TCF3: variants seen among roughly 807,000 people sequenced by gnomAD.
TCF3 encodes transcription factor 3.
In TCF3, 54 loss-of-function variants were observed where a neutral mutation model predicts 72.3. The observed-to-expected ratio is 0.75, with a 90% CI of 0.60 to 0.94. TCF3 has a LOEUF of 0.94. TCF3 is among the 40% of genes least tolerant of loss of function. The pLI, the probability that TCF3 is intolerant of heterozygous loss-of-function variation, is 0.00. For missense variants in TCF3, 1,078 were observed against 934.4 expected (o/e 1.15, Z -2.00); for synonymous variants, 525 against 412.6 (o/e 1.27, Z -3.30).
At position 1,632,114 on chromosome 19, in the gene TCF3, G is replaced by A. The variant is rs751889696; in HGVS notation, c.222C>T (p.Thr74=). ...CAGTGAAGTGGGTGCCCTCGCTGAAGGTCTAGGGGAGATGGGGTGGGGATG... is the reference window on the plus strand; with the variant it reads ...CAGTGAAGTGGGTGCCCTCGCTGAAAGTCTAGGGGAGATGGGGTGGGGATG... ...QSSSSFDPSR[T]FSEGTHFTES... The change falls in exon 5 of 19, where the codon ACC becomes ACT. Residue 74 remains threonine (T), a splice_region_variant and synonymous_variant. Coordinates refer to ENST00000262965, the MANE Select transcript of TCF3 (RefSeq NM_003200.5). 3.1e-6 allele frequency: 5 copies of A among 1,612,758 alleles called. No individual in the cohort carries two copies. Among genetic ancestry groups the A allele is most frequent in the Non-Finnish European group, 4.2e-6 (5 of 1,179,554 alleles).
rs1287548803 is a variant in TCF3 at position 1,619,372 on chromosome 19, C to T, written c.1270G>A (p.Ala424Thr). 5 of 1,590,110 alleles carry T rather than the reference C, an allele frequency of 3.1e-6. No homozygotes were observed. The highest frequency in any genetic ancestry group is 1.3e-5 in the African/African-American group (1 of 74,688). ...DMHTLLPGHG[A>T]LASGFTGPMS... is the part of the protein sequence containing the mutation. ...GGGCCGGTGAAACCTGAGGCCAGCG[C>T]CCCGTGGCCAGGCAGCAGCGTGTGC... The change falls in exon 15 of 19, where the codon GCG (alanine) becomes ACG (threonine). Residue 424 changes from alanine (A) to threonine (T), a missense_variant. Ala to Thr is a moderately conservative substitution (Grantham distance 58, BLOSUM62 0). Transcript: ENST00000262965.
intron 6 of TCF3, 97 bp from the exon 7 acceptor site, chr19:1,625,805 C>A: frequency 7.2e-7 from 1 of 1,383,904 alleles, no homozygotes. Flanking sequence ...GCCACTCAGA[C>A]CCGCCCTGCA....
At chr19:1,621,461 C>T (rs2062198774) in intron 11 of TCF3, among the ~76,000 whole-genome samples, 1 of 151,726 alleles carries the variant, frequency 6.6e-6, no homozygotes. Context: ...GGGTGAGTCC[C>T]TCTCTGGGCC....
intron 3 of TCF3, among the ~76,000 whole-genome samples, chr19:1,643,609 G>A (rs139476530): frequency 4.0e-4 from 61 of 152,068 alleles, no homozygotes; most frequent in African/African-American, 1.4e-3. Context: ...TTGACCTCCT[G>A]GCCTCAAGCG....
At chr19:1,634,227 TTAA>T (rs1472131714) in intron 3 of TCF3, among the ~76,000 whole-genome samples, 5 of 152,204 alleles carry the variant, frequency 3.3e-5, no homozygotes, top group South Asian at 2.1e-4. Context: ...CCCCCACCGA[TTAA>T]TGATGCATTT....
intron 13 of TCF3, among the ~76,000 whole-genome samples, chr19:1,620,141 G>A (rs968218844): frequency 1.3e-4 from 20 of 152,244 alleles, no homozygotes; most frequent in African/African-American, 4.6e-4. Flanking sequence ...ACACAGTAGG[G>A]GGCTCCTCCC....
intron 3 of TCF3, among the ~76,000 whole-genome samples, chr19:1,635,510 C>T (rs1256107638): frequency 6.6e-6 from 1 of 152,124 alleles, no homozygotes; most frequent in African/African-American, 2.4e-5. Flanking sequence ...ACCCACACCC[C>T]CTGCCTGAGC....
intron 18 of TCF3, among the ~76,000 whole-genome samples, chr19:1,613,557 G>A (rs923527871): frequency 6.6e-6 from 1 of 152,136 alleles, no homozygotes; most frequent in African/African-American, 2.4e-5. Flanking sequence ...GCGGGGTGAT[G>A]GACAGCTAGG....
chr19:1,639,455 G>A (rs1385611686), intron 3 of TCF3, among the ~76,000 whole-genome samples: 2 of 152,108 alleles, frequency 1.3e-5, no homozygotes, highest in African/African-American at 2.4e-5. Context: ...CAGAGAAACC[G>A]ACAAACAGAA....
chr19:1,627,214 CA>C, intron 6 of TCF3, 144 bp downstream of exon 6: 1 of 480,062 alleles, frequency 2.1e-6, no homozygotes. Context: ...CCACCCAGCC[CA>C]CCCTGGCCCA....
chr19:1,626,000 C>T lies in TCF3; in HGVS notation c.367-292G>A, dbSNP rs535828706. On this transcript the variant is annotated intron_variant, in intron 6 of 18. Transcript: ENST00000262965. Reference sequence around the variant, plus strand: ...TTCTGAGACGCAAAGTACAAAGCTGCGTGGCTAAGCGTCTGTGCACCCGGC... The same window carrying T: ...TTCTGAGACGCAAAGTACAAAGCTGTGTGGCTAAGCGTCTGTGCACCCGGC... Among the ~76,000 whole-genome samples, 6 of 152,340 alleles carry T rather than the reference C, an allele frequency of 3.9e-5. No homozygotes were observed. In the South Asian group the frequency reaches 6.2e-4, roughly 16 times the overall value.
intron 5 of TCF3, among the ~76,000 whole-genome samples, chr19:1,630,259 G>T (rs1304509345): frequency 3.3e-5 from 5 of 152,208 alleles, no homozygotes; most frequent in African/African-American, 4.8e-5. Flanking sequence ...CGGCAGGGGG[G>T]CGGGGCCAGG....
At position 1,648,819 on chromosome 19, in the gene TCF3, G is replaced by T. The variant is rs1164958137; in HGVS notation, c.72+1358C>A. Among the ~76,000 whole-genome samples, 14 of 36,840 alleles carry T rather than the reference G, an allele frequency of 3.8e-4. No individual in the cohort carries two copies. The East Asian group carries it at 0.11, about 292-fold the overall frequency. The allele number at this position is 36,840 out of a possible 152,430, so 24.2% of individuals were successfully genotyped here. A position where few individuals can be genotyped will look rare whatever the true frequency, so the allele number is the denominator to read the frequency against. Reference sequence around the variant, plus strand: ...ACCCCAAACGCTGCCACTGGGCATGGGGGGGGGGGGGGAGCAGAATTTAAG... The same window carrying T: ...ACCCCAAACGCTGCCACTGGGCATGTGGGGGGGGGGGGAGCAGAATTTAAG... On this transcript the variant is annotated intron_variant, in intron 2 of 18. Transcript: ENST00000262965.
intron 2 of TCF3, among the ~76,000 whole-genome samples, chr19:1,648,281 G>A (rs1267300908): frequency 6.6e-6 from 1 of 152,232 alleles, no homozygotes; most frequent in Admixed American, 6.5e-5. Flanking sequence ...GGGGATGCGG[G>A]CAGTCACAGG....
intron 6 of TCF3, among the ~76,000 whole-genome samples, chr19:1,626,000 CGT>C (rs1184307970): frequency 1.3e-5 from 2 of 152,222 alleles, no homozygotes; most frequent in Middle Eastern, 3.2e-3. Context: ...TACAAAGCTG[CGT>C]GGCTAAGCGT....
In TCF3 at chr19:1,648,427, G is replaced by A. The variant is rs544544709; in HGVS notation, c.72+1750C>T. 2.0e-3 allele frequency among the ~76,000 whole-genome samples: 305 copies of A among 152,290 alleles called. 3 individuals are homozygous for A. Among genetic ancestry groups the A allele is most frequent in the Admixed American group, 4.9e-3 (75 of 15,302 alleles). On this transcript the variant is annotated intron_variant, in intron 2 of 18. Transcript: ENST00000262965. ...CCTCATCTGGGAACGGCTCCGACCC[G>A]GGATGGGGAGACGTGCTGAGTGGCT...
chr19:1,639,562 A>C (rs1480880521), intron 3 of TCF3, among the ~76,000 whole-genome samples: 1 of 152,162 alleles, frequency 6.6e-6, no homozygotes, highest in African/African-American at 2.4e-5. Flanking sequence ...ACTATCCCTC[A>C]AGTACTCACA....
At chr19:1,612,125 C>A (rs1779952346) in intron 18 of TCF3, 25 of 1,397,210 alleles carry the variant, frequency 1.8e-5, no homozygotes, top group Non-Finnish European at 2.4e-5. Flanking sequence ...CCGGGGGCGG[C>A]AAGCACAGGA....
intron 3 of TCF3, among the ~76,000 whole-genome samples, chr19:1,645,866 G>A (rs1037408301): frequency 3.3e-4 from 50 of 152,142 alleles, no homozygotes; most frequent in Admixed American, 1.5e-3. Flanking sequence ...CACAATGGCC[G>A]GTCACCCTGG....
Sources: gnomAD v4.1 joint callset for allele counts (sites outside exome capture counted in the v4.1 genomes callset) on GRCh38, gnomAD v4.1.1 for gene constraint, MANE v1.5 for transcripts, NCBI Gene and HGNC (gene_info 2026-07-23, HGNC 2026-07-21) for gene names.